The following RAB3C variants were observed in gnomAD, a reference collection of about 807,000 sequenced individuals.
RAB3C encodes the protein RAB3C, member RAS oncogene family.
In RAB3C, 17 loss-of-function variants were observed where a neutral mutation model predicts 26.4. The ratio of observed to expected loss-of-function variants is 0.64; its 90% confidence interval spans 0.44 to 0.97. RAB3C has a LOEUF of 0.97. Ranked by LOEUF, RAB3C falls within the 50% of genes least tolerant of loss-of-function variation. RAB3C has a pLI of 0.00. For synonymous variants in RAB3C, 91 were observed against 95.9 expected, an observed-to-expected ratio of 0.95 and a Z score of 0.30; for missense variants, 242 against 281.9, an observed-to-expected ratio of 0.86 and a Z score of 1.01.
At chr5:58,614,743 A>G (rs940190863) in intron 1 of RAB3C, among the ~76,000 whole-genome samples, 2 of 152,152 alleles carry the variant, frequency 1.3e-5, no homozygotes, top group African/African-American at 4.8e-5. Flanking sequence ...CCAAAAGACT[A>G]TATATTAGTG....
At chr5:58,713,234 A>C (rs895886093) in intron 2 of RAB3C, among the ~76,000 whole-genome samples, 4 of 152,294 alleles carry the variant, frequency 2.6e-5, no homozygotes, top group Non-Finnish European at 5.9e-5. Flanking sequence ...GCCAGATAAG[A>C]GTACAAAAGT....
At chr5:58,622,321 G>A (rs1385779375) in intron 2 of RAB3C, among the ~76,000 whole-genome samples, 2 of 152,036 alleles carry the variant, frequency 1.3e-5, no homozygotes, top group Non-Finnish European at 2.9e-5. Flanking sequence ...TGAAAAGAGT[G>A]CTCCAGTAAG....
chr5:58,718,110 T>C (rs2111907987), intron 2 of RAB3C, among the ~76,000 whole-genome samples: 1 of 152,246 alleles, frequency 6.6e-6, no homozygotes, highest in East Asian at 1.9e-4. Context: ...CCTGCATTTA[T>C]GTATTTATCC....
Position 58,851,450 on chromosome 5 carries a change from T to C in RAB3C, c.*99T>C. The stretch of plus-strand genomic sequence containing the variant: ...CTTCATTTATACTGCCTAACAATTA[T>C]TTGAAGGAATAAATTGATGTCAATG... On this transcript the variant is annotated 3_prime_UTR_variant, in exon 5 of 5. Coordinates refer to ENST00000282878, the MANE Select transcript of RAB3C (RefSeq NM_138453.4). 1.0e-6 allele frequency: 1 copy of C among 967,646 alleles called. No individual in the cohort carries two copies. The highest frequency in any genetic ancestry group is 1.5e-6 in the Non-Finnish European group (1 of 668,802). 59.9% of individuals were successfully genotyped at this position (967,646 alleles called of 1,614,324 possible).
In RAB3C at chr5:58,855,313, T is replaced by G. The variant is rs970413972; in HGVS notation, c.*3962T>G. The G allele has an allele frequency of 6.6e-6, 1 of 152,232 alleles. No individual in the cohort carries two copies. Among genetic ancestry groups the G allele is most frequent in the Non-Finnish European group, 1.5e-5 (1 of 68,038 alleles). 9.4% of individuals were successfully genotyped at this position (152,232 alleles called of 1,614,324 possible). A position where few individuals can be genotyped will look rare whatever the true frequency, so the allele number is the denominator to read the frequency against. ...AAACCCTTCTAGACCAAAAAGTTACTGTGTGTTTGTTAATAATCTTCATAG... is the reference window on the plus strand; with the variant it reads ...AAACCCTTCTAGACCAAAAAGTTACGGTGTGTTTGTTAATAATCTTCATAG... On this transcript the variant is annotated 3_prime_UTR_variant, in exon 5 of 5. Coordinates refer to ENST00000282878, the MANE Select transcript of RAB3C (RefSeq NM_138453.4).
At chr5:58,593,800 G>T (rs975110642) in intron 1 of RAB3C, among the ~76,000 whole-genome samples, 3 of 152,192 alleles carry the variant, frequency 2.0e-5, no homozygotes, top group Admixed American at 6.5e-5. Context: ...AGCCATAGGA[G>T]TAAGTATTCT....
intron 3 of RAB3C, among the ~76,000 whole-genome samples, chr5:58,760,942 CT>C (rs1741781848): frequency 6.6e-6 from 1 of 152,116 alleles, no homozygotes; most frequent in South Asian, 2.1e-4. Context: ...ACGAGCATCA[CT>C]TAAACATTTT....
At chr5:58,736,340 G>T (rs939226214) in intron 3 of RAB3C, among the ~76,000 whole-genome samples, 3 of 152,196 alleles carry the variant, frequency 2.0e-5, no homozygotes, top group African/African-American at 7.2e-5. Context: ...TGCAATGTGT[G>T]TTCAAGCATG....
At chr5:58,616,120 A>G (rs527455176) in intron 1 of RAB3C, among the ~76,000 whole-genome samples, 1 of 152,168 alleles carries the variant, frequency 6.6e-6, no homozygotes, top group East Asian at 1.9e-4. Flanking sequence ...CCCTACCCCA[A>G]AGAGAAACAA....
At chr5:58,819,028 T>C (rs1044274789) in intron 3 of RAB3C, among the ~76,000 whole-genome samples, 1 of 152,136 alleles carries the variant, frequency 6.6e-6, no homozygotes, top group African/African-American at 2.4e-5. Context: ...ATGAAAAAAA[T>C]CCAATTATTA....
intron 3 of RAB3C, among the ~76,000 whole-genome samples, chr5:58,779,926 C>T (rs896113915): frequency 2.4e-4 from 37 of 152,114 alleles, no homozygotes; most frequent in African/African-American, 8.0e-4. Flanking sequence ...GGTCAAATAT[C>T]TAAAGAGGCT....
chr5:58,622,392 A>C (rs1021403798), intron 2 of RAB3C, among the ~76,000 whole-genome samples: 4 of 152,172 alleles, frequency 2.6e-5, no homozygotes, highest in African/African-American at 9.6e-5. Flanking sequence ...AGAATCAGTG[A>C]GGCCCCAAAT....
intron 2 of RAB3C, among the ~76,000 whole-genome samples, chr5:58,629,437 G>T (rs1747142197): frequency 6.6e-6 from 1 of 152,192 alleles, no homozygotes; most frequent in African/African-American, 2.4e-5. Flanking sequence ...CAAAGTGCTA[G>T]GCCATGGAGG....
chr5:58,778,813 CTGA>C (rs2111998559), intron 3 of RAB3C, among the ~76,000 whole-genome samples: 1 of 152,114 alleles, frequency 6.6e-6, no homozygotes, highest in Non-Finnish European at 1.5e-5. Context: ...TGCACTGTAT[CTGA>C]CTGACTCTTG....
intron 2 of RAB3C, among the ~76,000 whole-genome samples, chr5:58,684,398 A>G (rs187560728): frequency 7.2e-4 from 110 of 152,304 alleles, no homozygotes; most frequent in African/African-American, 2.6e-3. Flanking sequence ...AGCAGTCTTT[A>G]TCACTTCTTT....
intron 1 of RAB3C, among the ~76,000 whole-genome samples, chr5:58,611,440 G>A (rs1252861347): frequency 1.3e-5 from 2 of 152,082 alleles, no homozygotes; most frequent in African/African-American, 4.8e-5. Context: ...GTGTGAAATG[G>A]TATCTCATTG....
At chr5:58,798,661 T>C (rs1051421841) in intron 3 of RAB3C, among the ~76,000 whole-genome samples, 1 of 152,224 alleles carries the variant, frequency 6.6e-6, no homozygotes, top group Admixed American at 6.5e-5. Context: ...AAGTTGAGTA[T>C]GAAACGTAAA....
chr5:58,639,062 C>T (rs1038635067), intron 2 of RAB3C, among the ~76,000 whole-genome samples: 2 of 152,216 alleles, frequency 1.3e-5, no homozygotes, highest in African/African-American at 2.4e-5. Context: ...CTCACACTAA[C>T]CCTCATCTGA....
At chr5:58,696,304 G>A (rs1748697340) in intron 2 of RAB3C, among the ~76,000 whole-genome samples, 1 of 152,188 alleles carries the variant, frequency 6.6e-6, no homozygotes, top group African/African-American at 2.4e-5. Flanking sequence ...GCTTTTTGAT[G>A]TGCTGCTGGA....
Sources: allele counts gnomAD v4.1 joint callset (sites outside exome capture counted in the v4.1 genomes callset), GRCh38; gene constraint gnomAD v4.1.1; transcripts MANE v1.5; gene names NCBI Gene and HGNC (gene_info 2026-07-23, HGNC 2026-07-21).